Variants in RORA observed in about 807,000 individuals in gnomAD.
RORA encodes the protein RAR related orphan receptor A.
In RORA, 7 loss-of-function variants were observed where a neutral mutation model predicts 69.5. The observed-to-expected ratio is 0.10, with a 90% CI of 0.06 to 0.19. The LOEUF is 0.19. Ranked by LOEUF, RORA falls within the 10% of genes least tolerant of loss-of-function variation. The pLI is 1.00. For missense variants in RORA, 457 were observed against 663.0 expected (o/e 0.69, Z 3.41); for synonymous variants, 261 against 240.8 (o/e 1.08, Z -0.78).
intron 1 of RORA, among the ~76,000 whole-genome samples, chr15:60,820,391 C>A (rs1595740823): frequency 1.3e-5 from 2 of 152,066 alleles, no homozygotes; most frequent in African/African-American, 4.8e-5. Flanking sequence ...ACAGGAAAAT[C>A]CCCCTCACCC....
At chr15:60,654,756 C>T (rs771127509) in intron 2 of RORA, among the ~76,000 whole-genome samples, 2 of 152,106 alleles carry the variant, frequency 1.3e-5, no homozygotes, top group Admixed American at 1.3e-4. Flanking sequence ...AGCAGAGGGA[C>T]AGAAGTAGAC....
intron 1 of RORA, among the ~76,000 whole-genome samples, chr15:60,737,311 G>C (rs2071514515): frequency 6.6e-6 from 1 of 152,192 alleles, no homozygotes; most frequent in Non-Finnish European, 1.5e-5. Flanking sequence ...ACTTCAGGCA[G>C]ACAATTCCTA....
chr15:60,774,523 T>C (rs117704597), intron 1 of RORA, among the ~76,000 whole-genome samples: 22 of 152,302 alleles, frequency 1.4e-4, no homozygotes, highest in Non-Finnish European at 2.9e-4. Context: ...GTAGAGTGTA[T>C]GCCAAGAAAA....
intron 1 of RORA, among the ~76,000 whole-genome samples, chr15:60,849,903 G>A (rs185718957): frequency 2.8e-4 from 42 of 152,290 alleles, no homozygotes; most frequent in Non-Finnish European, 4.4e-4. Flanking sequence ...GGGCTAGTGA[G>A]GTGCGTCTCA....
chr15:60,867,712 G>T (rs2073506204), intron 1 of RORA, among the ~76,000 whole-genome samples: 1 of 152,054 alleles, frequency 6.6e-6, no homozygotes, highest in African/African-American at 2.4e-5. Flanking sequence ...CAGCTACCAG[G>T]ATCTCTTGAT....
intron 1 of RORA, among the ~76,000 whole-genome samples, chr15:60,935,989 G>C (rs1892509011): frequency 6.6e-6 from 1 of 152,190 alleles, no homozygotes; most frequent in African/African-American, 2.4e-5. Flanking sequence ...TGACATTGTT[G>C]AATTCATCAC....
At chr15:60,955,545 A>T (rs1366861506) in intron 1 of RORA, among the ~76,000 whole-genome samples, 1 of 152,218 alleles carries the variant, frequency 6.6e-6, no homozygotes, top group Non-Finnish European at 1.5e-5. Flanking sequence ...TCCTGGTTCT[A>T]AATGCAATAC....
intron 1 of RORA, among the ~76,000 whole-genome samples, chr15:60,830,240 A>T (rs748492587): frequency 1.3e-5 from 2 of 152,226 alleles, no homozygotes; most frequent in Non-Finnish European, 2.9e-5. Context: ...ATTTATTTAG[A>T]AAATGTGGGA....
chr15:60,625,303 TATTC>T lies in RORA; in HGVS notation c.196+53350_196+53353del, dbSNP rs1332089395. Among the ~76,000 whole-genome samples, 3 of 152,170 alleles carry T rather than the reference TATTC, an allele frequency of 2.0e-5. No individual in the cohort carries two copies. In the South Asian group the frequency reaches 6.2e-4, roughly 32 times the overall value. On this transcript the variant is annotated intron_variant, in intron 2 of 10. Transcript: ENST00000335670. The stretch of plus-strand genomic sequence containing the variant: ...TTTTTGTTTTGTTAAGTAAAAAACT[TATTC>T]ATTATGTTTGGTGAGGTTGTAGGGC...
intron 1 of RORA, among the ~76,000 whole-genome samples, chr15:61,175,581 T>C (rs1045578344): frequency 2.9e-5 from 4 of 139,086 alleles, no homozygotes; most frequent in Non-Finnish European, 3.2e-5. Flanking sequence ...TGGTGGCATG[T>C]GCCTGTGGTC....
At chr15:60,774,899 A>T (rs1450235406) in intron 1 of RORA, among the ~76,000 whole-genome samples, 1 of 152,184 alleles carries the variant, frequency 6.6e-6, no homozygotes, top group African/African-American at 2.4e-5. Context: ...AAACTTGAAA[A>T]TTTAGGGTAA....
At chr15:60,561,923 G>A (rs1310484010) in intron 2 of RORA, among the ~76,000 whole-genome samples, 1 of 151,830 alleles carries the variant, frequency 6.6e-6, no homozygotes, top group Non-Finnish European at 1.5e-5. Context: ...AATAGCTTAT[G>A]GGTTTAACAA....
intron 1 of RORA, among the ~76,000 whole-genome samples, chr15:60,748,699 T>C (rs2071682633): frequency 6.6e-6 from 1 of 152,178 alleles, no homozygotes; most frequent in Non-Finnish European, 1.5e-5. Flanking sequence ...TGAATCCCAC[T>C]CTTACCACCC....
intron 1 of RORA, among the ~76,000 whole-genome samples, chr15:61,212,843 C>A (rs186515469): frequency 6.6e-6 from 1 of 152,288 alleles, no homozygotes; most frequent in Non-Finnish European, 1.5e-5. Context: ...CTGCTGATAT[C>A]ATTTCAAAAT....
At chr15:60,508,535 A>G (rs2065588958) in intron 5 of RORA, among the ~76,000 whole-genome samples, 1 of 152,210 alleles carries the variant, frequency 6.6e-6, no homozygotes, top group Non-Finnish European at 1.5e-5. Flanking sequence ...AATCCTTATA[A>G]CAACCCCAAG....
chr15:60,606,530 T>C (rs1056457626), intron 2 of RORA, among the ~76,000 whole-genome samples: 1 of 152,234 alleles, frequency 6.6e-6, no homozygotes, highest in African/African-American at 2.4e-5. Context: ...TTGTAGAAAG[T>C]TTCATTTGTA....
intron 1 of RORA, among the ~76,000 whole-genome samples, chr15:60,931,442 C>G (rs1324389062): frequency 6.6e-6 from 1 of 152,258 alleles, no homozygotes; most frequent in Non-Finnish European, 1.5e-5. Context: ...AGAGAAGAGG[C>G]CTGGCTTCAG....
intron 3 of RORA, among the ~76,000 whole-genome samples, chr15:60,516,165 ATATATATTT>A (rs2065925109): frequency 1.2e-4 from 4 of 34,154 alleles, no homozygotes; most frequent in South Asian, 1.6e-3. Flanking sequence ...ATATATTTAT[ATATATATTT>A]ATATATATAT....
chr15:61,178,098 T>C (rs2079648184), intron 1 of RORA, among the ~76,000 whole-genome samples: 1 of 152,204 alleles, frequency 6.6e-6, no homozygotes. Context: ...AGACTCCAAG[T>C]GTTACACTGG....
Sources: allele counts gnomAD v4.1 joint callset (sites outside exome capture counted in the v4.1 genomes callset), GRCh38; gene constraint gnomAD v4.1.1; transcripts MANE v1.5; gene names NCBI Gene and HGNC (gene_info 2026-07-23, HGNC 2026-07-21).